MCUB: variants seen among roughly 807,000 people sequenced by gnomAD.
The protein encoded by MCUB is calcium uniporter regulatory subunit MCUb, mitochondrial.
A neutral mutation model predicts 41.4 loss-of-function variants in MCUB; 46 were observed. That is an observed-to-expected ratio of 1.11 (90% CI 0.88 to 1.42). The LOEUF (loss-of-function observed/expected upper bound fraction) is 1.42. Ranked by LOEUF, MCUB falls within the 40% of genes most tolerant of loss-of-function variation. The probability of loss-of-function intolerance (pLI) is 0.00; values close to 1 mark genes in which losing one functional copy is unlikely to be tolerated. For missense variants in MCUB, 403 were observed against 404.9 expected, an observed-to-expected ratio of 1.00 and a Z score of 0.04; for synonymous variants, 148 against 148.2, an observed-to-expected ratio of 1.00 and a Z score of 0.01.
chr4:109,605,707 A>G (rs1368587301), intron 1 of MCUB, among the ~76,000 whole-genome samples: 3 of 152,156 alleles, frequency 2.0e-5, no homozygotes, highest in Non-Finnish European at 2.9e-5. Context: ...TATTGGGATG[A>G]TCCAGTGTTG....
intron 4 of MCUB, among the ~76,000 whole-genome samples, chr4:109,666,042 G>A (rs1165728573): frequency 6.6e-6 from 1 of 152,078 alleles, no homozygotes; most frequent in Non-Finnish European, 1.5e-5. Flanking sequence ...GAGGAGACGA[G>A]GCAGTAAAGA....
At chr4:109,674,790 A>G (rs963038720) in intron 4 of MCUB, among the ~76,000 whole-genome samples, 2 of 152,264 alleles carry the variant, frequency 1.3e-5, no homozygotes, top group African/African-American at 4.8e-5. Flanking sequence ...TAATTTTTAA[A>G]TGTCATCTTG....
intron 1 of MCUB, among the ~76,000 whole-genome samples, chr4:109,567,588 T>G (rs1419515487): frequency 6.9e-6 from 1 of 143,980 alleles, no homozygotes; most frequent in East Asian, 2.1e-4. Flanking sequence ...TTTTTGTATT[T>G]TAGTAGAGAC....
At chr4:109,568,697 C>T (rs1726838800) in intron 1 of MCUB, among the ~76,000 whole-genome samples, 2 of 152,196 alleles carry the variant, frequency 1.3e-5, no homozygotes, top group Non-Finnish European at 2.9e-5. Context: ...ACAGAACTTA[C>T]ATCATTCGAC....
chr4:109,561,682 A>G (rs1018180952), intron 1 of MCUB, among the ~76,000 whole-genome samples: 1 of 152,210 alleles, frequency 6.6e-6, no homozygotes, highest in African/African-American at 2.4e-5. Flanking sequence ...TCAAAGAGAT[A>G]CCAAACATTA....
intron 1 of MCUB, among the ~76,000 whole-genome samples, chr4:109,608,166 A>T (rs1251416669): frequency 6.6e-6 from 1 of 152,146 alleles, no homozygotes; most frequent in Non-Finnish European, 1.5e-5. Context: ...CAATTCTGCT[A>T]GTAAGAGATT....
intron 1 of MCUB, among the ~76,000 whole-genome samples, chr4:109,586,700 ACAGT>A (rs1419581742): frequency 6.6e-6 from 1 of 152,066 alleles, no homozygotes; most frequent in Non-Finnish European, 1.5e-5. Flanking sequence ...TTTCCTTCTA[ACAGT>A]CAGGTCCCTC....
intron 3 of MCUB, among the ~76,000 whole-genome samples, chr4:109,661,952 G>T (rs1476106523): frequency 1.3e-5 from 2 of 152,178 alleles, no homozygotes; most frequent in African/African-American, 4.8e-5. Flanking sequence ...AGAATCGCTT[G>T]AACATGGGAG....
chr4:109,590,110 G>A (rs1727397498), intron 1 of MCUB, among the ~76,000 whole-genome samples: 1 of 152,078 alleles, frequency 6.6e-6, no homozygotes, highest in Non-Finnish European at 1.5e-5. Context: ...TGTGAGAAAG[G>A]CATATTCTTA....
intron 3 of MCUB, among the ~76,000 whole-genome samples, chr4:109,661,119 G>A (rs188539128): frequency 4.0e-4 from 61 of 152,144 alleles, no homozygotes; most frequent in African/African-American, 1.1e-3. Flanking sequence ...TTAGTTCTTA[G>A]GAAGAATATA....
intron 1 of MCUB, among the ~76,000 whole-genome samples, chr4:109,621,453 GA>G (rs374284448): frequency 2.6e-4 from 39 of 149,508 alleles, no homozygotes; most frequent in African/African-American, 8.1e-4. Context: ...CATATTTGAG[GA>G]AAAAAAAAGG....
At chr4:109,648,724 C>CAAA (rs59279944) in intron 1 of MCUB, 3 of 236,762 alleles carry the variant, frequency 1.3e-5, no homozygotes, top group Non-Finnish European at 1.6e-5. Flanking sequence ...TACAGAGAAG[C>CAAA]AAAAAAAAAA....
intron 1 of MCUB, among the ~76,000 whole-genome samples, chr4:109,565,505 T>A (rs1004267768): frequency 2.0e-5 from 3 of 152,194 alleles, no homozygotes; most frequent in African/African-American, 7.2e-5. Flanking sequence ...TGGGTGAAGG[T>A]TCCTATGCCA....
intron 1 of MCUB, among the ~76,000 whole-genome samples, chr4:109,576,670 C>G (rs1368010665): frequency 6.6e-6 from 1 of 151,972 alleles, no homozygotes; most frequent in Non-Finnish European, 1.5e-5. Flanking sequence ...AGATGGCCCA[C>G]TTAGATTAGG....
chr4:109,600,558 G>A (rs1359421579), intron 1 of MCUB, among the ~76,000 whole-genome samples: 2 of 152,200 alleles, frequency 1.3e-5, no homozygotes, highest in Non-Finnish European at 2.9e-5. Context: ...GCTCTGAGGA[G>A]CCCACACTGA....
chr4:109,618,699 G>A (rs997223234), intron 1 of MCUB, among the ~76,000 whole-genome samples: 2 of 152,098 alleles, frequency 1.3e-5, no homozygotes, highest in Non-Finnish European at 2.9e-5. Flanking sequence ...ACCTATAGGG[G>A]AAATAAAATA....
chr4:109,599,834 A>T (rs190918659), intron 1 of MCUB, among the ~76,000 whole-genome samples: 1 of 151,880 alleles, frequency 6.6e-6, no homozygotes, highest in African/African-American at 2.4e-5. Flanking sequence ...ATAGCCAGCT[A>T]ATTTTCTGTA....
chr4:109,601,665 C>T (rs1727748192), intron 1 of MCUB, among the ~76,000 whole-genome samples: 1 of 152,154 alleles, frequency 6.6e-6, no homozygotes, highest in Admixed American at 6.5e-5. Flanking sequence ...GCTTCCAAAT[C>T]TTGGCTATTG....
chr4:109,572,811 A>T (rs1194688929), intron 1 of MCUB, among the ~76,000 whole-genome samples: 4 of 152,138 alleles, frequency 2.6e-5, no homozygotes, highest in Non-Finnish European at 1.5e-5. Flanking sequence ...ACTACAATAT[A>T]ATTATTGCTT....
Sources: allele counts gnomAD v4.1 joint callset (sites outside exome capture counted in the v4.1 genomes callset), GRCh38; gene constraint gnomAD v4.1.1; transcripts MANE v1.5; gene names NCBI Gene and HGNC (gene_info 2026-07-23, HGNC 2026-07-21).